GRM7: variants seen among roughly 807,000 people sequenced by gnomAD.
GRM7 encodes glutamate metabotropic receptor 7.
A neutral mutation model predicts 84.5 loss-of-function variants in GRM7; 35 were observed. The observed-to-expected ratio is 0.41, with a 90% confidence interval of 0.32 to 0.55. GRM7 has a LOEUF of 0.55. Ranked by LOEUF, GRM7 falls within the 20% of genes least tolerant of loss-of-function variation. The pLI, the probability that GRM7 is intolerant of heterozygous loss-of-function variation, is 0.19. For missense variants in GRM7, 1,003 were observed against 1,194.6 expected (o/e 0.84, Z 2.36); for synonymous variants, 487 against 455.1 (o/e 1.07, Z -0.89).
At chr3:7,039,339 G>A (rs1696503963) in intron 1 of GRM7, among the ~76,000 whole-genome samples, 1 of 152,146 alleles carries the variant, frequency 6.6e-6, no homozygotes, top group Non-Finnish European at 1.5e-5. Flanking sequence ...AGTCTTAAAT[G>A]AGAAAGTGTT....
intron 1 of GRM7, among the ~76,000 whole-genome samples, chr3:7,061,775 C>G (rs1189204487): frequency 6.6e-6 from 1 of 151,588 alleles, no homozygotes; most frequent in Admixed American, 6.6e-5. Context: ...GCAAGACCAT[C>G]CAGCAAAATT....
intron 7 of GRM7, among the ~76,000 whole-genome samples, chr3:7,476,274 G>A (rs528128914): frequency 2.6e-5 from 4 of 152,158 alleles, no homozygotes; most frequent in Non-Finnish European, 4.4e-5. Context: ...GGGGCTGGGC[G>A]CCGTGGCTCA....
chr3:7,309,422 T>C (rs1700313267), intron 4 of GRM7, among the ~76,000 whole-genome samples: 1 of 152,210 alleles, frequency 6.6e-6, no homozygotes, highest in South Asian at 2.1e-4. Context: ...TTTCCTGTTT[T>C]GCAGATGTTT....
intron 1 of GRM7, among the ~76,000 whole-genome samples, chr3:7,133,627 T>A (rs546678575): frequency 6.6e-6 from 1 of 152,370 alleles, no homozygotes; most frequent in Admixed American, 6.5e-5. Context: ...GCCAAACTTC[T>A]ATGTATGAGA....
At position 7,229,071 on chromosome 3, in the gene GRM7, T is replaced by G. The variant is rs576902804; in HGVS notation, c.737-69613T>G. On this transcript the variant is annotated intron_variant, in intron 2 of 9. Transcript: ENST00000357716. ...GAAATCAGTTGACTTCAGTGCTTAT[T>G]TCTAATGTCCATTGTGATCAACTAT... Among the ~76,000 whole-genome samples the G allele has an allele frequency of 2.0e-5, 3 of 152,336 alleles. No individual in the cohort carries two copies. The East Asian group carries it at 5.8e-4, about 29-fold the overall frequency.
intron 4 of GRM7, among the ~76,000 whole-genome samples, chr3:7,402,048 A>G (rs918686684): frequency 6.6e-6 from 1 of 152,134 alleles, no homozygotes; most frequent in African/African-American, 2.4e-5. Context: ...TTCTCCCTCC[A>G]TGTCTTTTTT....
chr3:7,668,714 T>C (rs998774874), intron 8 of GRM7, among the ~76,000 whole-genome samples: 1 of 152,222 alleles, frequency 6.6e-6, no homozygotes, highest in Non-Finnish European at 1.5e-5. Context: ...TTTAGGAATA[T>C]GAAAGAAGAC....
At chr3:7,399,163 T>A (rs865959014) in intron 4 of GRM7, among the ~76,000 whole-genome samples, 18 of 133,526 alleles carry the variant, frequency 1.3e-4, no homozygotes, top group African/African-American at 4.8e-4. Flanking sequence ...TCTTCCTATT[T>A]AAAAAACAAC....
In GRM7 at chr3:7,331,828, A is replaced by G. The variant is rs1265303990; in HGVS notation, c.1033+25176A>G. ...TCTAAGGGCTCTACCATTATTAAAG[A>G]ATTAGAGAAGAATCAAGGGATTCAA... On this transcript the variant is annotated intron_variant, in intron 4 of 9. Transcript: ENST00000357716. Among the ~76,000 whole-genome samples, 4 of 152,164 alleles carry G rather than the reference A, an allele frequency of 2.6e-5. No individual in the cohort carries two copies. The South Asian group carries it at 8.3e-4, about 31-fold the overall frequency.
intron 1 of GRM7, among the ~76,000 whole-genome samples, chr3:7,049,422 A>T (rs758117934): frequency 1.3e-5 from 2 of 152,056 alleles, no homozygotes; most frequent in South Asian, 2.1e-4. Context: ...ATCTTGTAAG[A>T]TTTATTCACT....
At chr3:7,108,170 A>G (rs1692718955) in intron 1 of GRM7, among the ~76,000 whole-genome samples, 2 of 152,110 alleles carry the variant, frequency 1.3e-5, no homozygotes, top group Non-Finnish European at 2.9e-5. Flanking sequence ...TGCACGATAG[A>G]GTATTCAAGT....
At chr3:7,649,778 C>T (rs1221410681) in intron 8 of GRM7, among the ~76,000 whole-genome samples, 1 of 151,472 alleles carries the variant, frequency 6.6e-6, no homozygotes, top group East Asian at 1.9e-4. Context: ...ATAACATGGC[C>T]TATATAATTT....
chr3:7,048,394 A>C (rs902184611), intron 1 of GRM7, among the ~76,000 whole-genome samples: 10 of 151,952 alleles, frequency 6.6e-5, no homozygotes, highest in African/African-American at 2.4e-4. Flanking sequence ...TAGTGTTTGT[A>C]GTGTTCACAT....
Position 7,550,579 on chromosome 3 carries a change from G to C in GRM7, c.1516-27843G>C, listed in dbSNP as rs144096154. On this transcript the variant is annotated intron_variant, in intron 7 of 9. Coordinates refer to ENST00000357716, the MANE Select transcript of GRM7 (RefSeq NM_000844.4). Reference sequence around the variant, plus strand: ...TCTCTCTCTCTCTCTCTCTCTCTCTGTGTGTGTGTGTGTGTGTGTGTGTGT... The same window carrying C: ...TCTCTCTCTCTCTCTCTCTCTCTCTCTGTGTGTGTGTGTGTGTGTGTGTGT... 7.9e-3 allele frequency among the ~76,000 whole-genome samples: 430 copies of C among 54,504 alleles called. 1 individual carries two copies. The highest frequency in any genetic ancestry group is 0.013 in the Non-Finnish European group (281 of 20,992). The allele number at this position is 54,504 out of a possible 152,430, so 35.8% of individuals were successfully genotyped here.
intron 5 of GRM7, among the ~76,000 whole-genome samples, chr3:7,419,784 G>A (rs1696321410): frequency 6.6e-6 from 1 of 152,100 alleles, no homozygotes; most frequent in Non-Finnish European, 1.5e-5. Context: ...TCTGATGATG[G>A]GACAATTTAA....
intron 7 of GRM7, among the ~76,000 whole-genome samples, chr3:7,539,178 G>A (rs528062250): frequency 1.3e-4 from 20 of 152,226 alleles, no homozygotes; most frequent in Non-Finnish European, 2.4e-4. Context: ...AGAACTGTGA[G>A]ACTACAATAG....
At chr3:7,655,046 T>C (rs116466934) in intron 8 of GRM7, among the ~76,000 whole-genome samples, 1 of 152,158 alleles carries the variant, frequency 6.6e-6, no homozygotes, top group African/African-American at 2.4e-5. Context: ...AACAGACCCA[T>C]TTTAACAAGA....
intron 1 of GRM7, among the ~76,000 whole-genome samples, chr3:7,002,934 C>T (rs376892587): frequency 5.9e-4 from 90 of 152,124 alleles, no homozygotes; most frequent in African/African-American, 2.0e-3. Flanking sequence ...CTATCATTTG[C>T]GACAACATGG....
At chr3:6,910,971 G>A (rs548889371) in intron 1 of GRM7, among the ~76,000 whole-genome samples, 21 of 152,222 alleles carry the variant, frequency 1.4e-4, no homozygotes, top group African/African-American at 4.6e-4. Flanking sequence ...TATCTACCAA[G>A]CACTGTAATA....
Sources: allele counts gnomAD v4.1 joint callset (sites outside exome capture counted in the v4.1 genomes callset), GRCh38; gene constraint gnomAD v4.1.1; transcripts MANE v1.5; gene names NCBI Gene and HGNC (gene_info 2026-07-23, HGNC 2026-07-21).